The following NFIB variants were observed in gnomAD, a reference collection of about 807,000 sequenced individuals.
NFIB encodes nuclear factor 1 B-type.
NFIB carries 11 observed loss-of-function variants against 61.5 expected under a neutral mutation model. That is an observed-to-expected ratio of 0.18 (90% confidence interval 0.11 to 0.30). NFIB has a LOEUF of 0.30. NFIB is among the 10% of genes least tolerant of loss of function. The pLI is 1.00. For missense variants in NFIB, 471 were observed against 608.9 expected, an observed-to-expected ratio of 0.77 and a Z score of 2.38; for synonymous variants, 260 against 216.5, an observed-to-expected ratio of 1.20 and a Z score of -1.76.
intron 2 of NFIB, among the ~76,000 whole-genome samples, chr9:14,258,857 C>T (rs1337546542): frequency 6.6e-6 from 1 of 152,190 alleles, no homozygotes; most frequent in Non-Finnish European, 1.5e-5. Context: ...ACTTGCTCAA[C>T]TTGAAACTGA....
the NFIB span, among the ~76,000 whole-genome samples, chr9:14,475,894 G>T: frequency 6.6e-6 from 1 of 152,122 alleles, no homozygotes. Context: ...TACCACTGGG[G>T]AAAGGAATTC....
intron 2 of NFIB, among the ~76,000 whole-genome samples, chr9:14,238,025 G>T (rs542227917): frequency 2.0e-5 from 3 of 152,176 alleles, no homozygotes; most frequent in Admixed American, 6.6e-5. Flanking sequence ...AGGTAGCTAT[G>T]GGGCAAAGAG....
intron 2 of NFIB, among the ~76,000 whole-genome samples, chr9:14,210,537 C>T (rs2050199604): frequency 6.6e-6 from 1 of 151,974 alleles, no homozygotes; most frequent in Non-Finnish European, 1.5e-5. Flanking sequence ...AGTATACATA[C>T]ACACATGTGC....
At position 14,341,213 on chromosome 9, in the gene NFIB, G is replaced by A. The variant is rs73417788; in HGVS notation, c.109-33693C>T. ...GGGAAACATCCCTAAATGACTAAGT[G>A]CTCACCAGCACTCACAGCTGTCAGA... On this transcript the variant is annotated intron_variant, in intron 1 of 8. Coordinates refer to the NFIB transcript ENST00000380934. 5.5e-3 allele frequency among the ~76,000 whole-genome samples: 842 copies of A among 152,248 alleles called. 9 individuals are homozygous for A. Among genetic ancestry groups the A allele is most frequent in the African/African-American group, 0.018 (766 of 41,556 alleles).
intron 2 of NFIB, among the ~76,000 whole-genome samples, chr9:14,287,460 G>C (rs1434067100): frequency 6.6e-6 from 1 of 151,734 alleles, no homozygotes; most frequent in African/African-American, 2.4e-5. Context: ...TTCTGCTCTC[G>C]TTGCTCAGGC....
chr9:14,263,216 T>C (rs551039704), intron 2 of NFIB, among the ~76,000 whole-genome samples: 18 of 152,188 alleles, frequency 1.2e-4, no homozygotes, highest in Non-Finnish European at 2.6e-4. Context: ...AACAAGGTTT[T>C]TTTTTTCCCT....
chr9:14,439,809 G>A, the NFIB span, among the ~76,000 whole-genome samples: 1 of 152,188 alleles, frequency 6.6e-6, no homozygotes, highest in East Asian at 1.9e-4. Context: ...AAGTAGAGAG[G>A]CAAAAACACG....
the NFIB span, among the ~76,000 whole-genome samples, chr9:14,521,056 A>G: frequency 6.6e-6 from 1 of 152,218 alleles, no homozygotes; most frequent in Admixed American, 6.5e-5. Context: ...GCTGAACAAA[A>G]GCAGCAATGA....
intron 2 of NFIB, among the ~76,000 whole-genome samples, chr9:14,186,491 C>T (rs757511962): frequency 2.6e-5 from 4 of 151,784 alleles, no homozygotes; most frequent in East Asian, 1.9e-4. Flanking sequence ...AGAAACAAGA[C>T]GTAACAGGTA....
chr9:14,254,898 G>C (rs1001635379), intron 2 of NFIB, among the ~76,000 whole-genome samples: 2 of 152,152 alleles, frequency 1.3e-5, no homozygotes, highest in African/African-American at 4.8e-5. Flanking sequence ...GTGAACTTCA[G>C]ACAAGTACCT....
At chr9:14,383,423 G>C (rs917948345) in intron 1 of NFIB, among the ~76,000 whole-genome samples, 1 of 152,170 alleles carries the variant, frequency 6.6e-6, no homozygotes. Context: ...AAATAGGGCT[G>C]TTACACCAGG....
chr9:14,087,029 G>A lies in NFIB; in HGVS notation c.*1280C>T, dbSNP rs1036009298. The A allele has an allele frequency of 4.9e-6, 1 of 204,412 alleles. No homozygotes were observed. The highest frequency in any genetic ancestry group is 1.9e-4 in the South Asian group (1 of 5,262). 12.7% of individuals were successfully genotyped at this position (204,412 alleles called of 1,614,324 possible). ...CCTGATTACATTTGTTTTCTCAAGA[G>A]TGCGTTTTTATATCCTACACCCTGG... On this transcript the variant is annotated 3_prime_UTR_variant, in exon 11 of 11. Transcript: ENST00000380953.
At chr9:14,456,415 C>T in the NFIB span, among the ~76,000 whole-genome samples, 4 of 152,012 alleles carry the variant, frequency 2.6e-5, no homozygotes, top group Non-Finnish European at 4.4e-5. Flanking sequence ...AAGGACAAAC[C>T]TGCAAAAATG....
intron 1 of NFIB, among the ~76,000 whole-genome samples, chr9:14,365,393 C>T (rs747419832): frequency 6.6e-6 from 1 of 152,160 alleles, no homozygotes; most frequent in Non-Finnish European, 1.5e-5. Context: ...TTCCCACACC[C>T]CAGGAGACTC....
intron 6 of NFIB, among the ~76,000 whole-genome samples, chr9:14,128,306 C>G (rs1365223750): frequency 6.6e-6 from 1 of 152,114 alleles, no homozygotes; most frequent in African/African-American, 2.4e-5. Flanking sequence ...TTCTGCTTTA[C>G]CTATGTTTAA....
chr9:14,291,352 G>T (rs2059084771), intron 2 of NFIB, among the ~76,000 whole-genome samples: 1 of 151,942 alleles, frequency 6.6e-6, no homozygotes, highest in South Asian at 2.1e-4. Context: ...AGGTGTGGTG[G>T]TATGCACCTG....
intron 2 of NFIB, among the ~76,000 whole-genome samples, chr9:14,207,115 G>A (rs559030937): frequency 1.3e-4 from 20 of 152,194 alleles, no homozygotes; most frequent in Admixed American, 8.5e-4. Flanking sequence ...TCGTCCTTGC[G>A]ATAACACTAA....
intron 4 of NFIB, 129 bp downstream of exon 4, chr9:14,155,696 A>T: frequency 2.0e-6 from 1 of 487,844 alleles, no homozygotes; most frequent in Non-Finnish European, 3.6e-6. Flanking sequence ...TTATTTCATC[A>T]AAGGTTTTAA....
intron 1 of NFIB, among the ~76,000 whole-genome samples, chr9:14,341,570 C>T (rs1588335202): frequency 6.6e-6 from 1 of 152,150 alleles, no homozygotes; most frequent in Non-Finnish European, 1.5e-5. Flanking sequence ...AGTGTCAGTG[C>T]CGCTCACTGG....
Sources: allele counts gnomAD v4.1 joint callset (sites outside exome capture counted in the v4.1 genomes callset), GRCh38; gene constraint gnomAD v4.1.1; transcripts MANE v1.5; gene names NCBI Gene and HGNC (gene_info 2026-07-23, HGNC 2026-07-21).